Variants in R3HDM1 observed in about 807,000 individuals in gnomAD.
The protein encoded by R3HDM1 is R3H domain-containing protein 1.
R3HDM1 carries 46 observed loss-of-function variants against 141.1 expected under a neutral mutation model. The ratio of observed to expected loss-of-function variants is 0.33; its 90% CI spans 0.26 to 0.42. The LOEUF (loss-of-function observed/expected upper bound fraction) is 0.42, where lower values mean the gene tolerates loss of function less well. Ranked by LOEUF, R3HDM1 falls within the 10% of genes least tolerant of loss-of-function variation. R3HDM1 has a pLI of 1.00. For synonymous variants in R3HDM1, 435 were observed against 472.9 expected, an observed-to-expected ratio of 0.92 and a Z score of 1.04; for missense variants, 1,184 against 1,368.3, an observed-to-expected ratio of 0.87 and a Z score of 2.12.
At chr2:135,667,815 CTA>C (rs2067763298) in intron 19 of R3HDM1, 1 of 911,948 alleles carries the variant, frequency 1.1e-6, no homozygotes, top group South Asian at 5.1e-5. Context: ...ACTTTTGACA[CTA>C]TGAGAACTCT....
At chr2:135,708,847 T>C (rs892490976) in intron 21 of R3HDM1, among the ~76,000 whole-genome samples, 3 of 150,428 alleles carry the variant, frequency 2.0e-5, no homozygotes, top group African/African-American at 7.3e-5. Context: ...TAATCTCAGC[T>C]ACTTGGGAGG....
chr2:135,574,353 C>G (rs1256311146), intron 1 of R3HDM1, among the ~76,000 whole-genome samples: 1 of 152,166 alleles, frequency 6.6e-6, no homozygotes, highest in Non-Finnish European at 1.5e-5. Context: ...AATAATTCTT[C>G]TAAACTATCC....
At chr2:135,570,869 T>C (rs1703948557) in intron 1 of R3HDM1, among the ~76,000 whole-genome samples, 1 of 152,258 alleles carries the variant, frequency 6.6e-6, no homozygotes, top group Non-Finnish European at 1.5e-5. Flanking sequence ...TAAAAAATCA[T>C]CTAGCCTGAA....
chr2:135,667,343 G>A, intron 19 of R3HDM1: 1 of 606,388 alleles, frequency 1.6e-6, no homozygotes, highest in Non-Finnish European at 2.1e-6. Flanking sequence ...TGAAAGAAAT[G>A]GGATAATATT....
chr2:135,646,157 A>G (rs1286989694), intron 16 of R3HDM1, among the ~76,000 whole-genome samples: 1 of 138,976 alleles, frequency 7.2e-6, no homozygotes, highest in Non-Finnish European at 1.5e-5. Context: ...TTTTTTTGAG[A>G]TGGAGTCTTG....
At chr2:135,630,326 T>C (rs992276081) in intron 7 of R3HDM1, among the ~76,000 whole-genome samples, 14 of 140,922 alleles carry the variant, frequency 9.9e-5, no homozygotes, top group Non-Finnish European at 1.6e-4. Flanking sequence ...AAAACGAGAT[T>C]CTCATACTTC....
chr2:135,706,984 G>A (rs1415708065), intron 21 of R3HDM1, among the ~76,000 whole-genome samples: 3 of 152,036 alleles, frequency 2.0e-5, no homozygotes, highest in African/African-American at 7.2e-5. Context: ...CCTCCCGGAC[G>A]GGGCGGCTGG....
In R3HDM1 at chr2:135,599,065, A is replaced by G. The variant is rs113069899; in HGVS notation, c.-249-3435A>G. On this transcript the variant is annotated intron_variant, in intron 1 of 26. Coordinates refer to ENST00000683871, the MANE Select transcript of R3HDM1 (RefSeq NM_001378107.1). ...CCCAAAAATTATAAAAAGATTTCCT[A>G]TATATCCTTGTGCATTCATAGTTTT... is the stretch of plus-strand genomic sequence containing the variant. Among the ~76,000 whole-genome samples, 123 of 152,306 alleles carry G rather than the reference A, an allele frequency of 8.1e-4. 1 individual carries two copies. The highest frequency in any genetic ancestry group is 2.8e-3 in the African/African-American group (118 of 41,588).
At chr2:135,586,696 G>A in intron 1 of R3HDM1, 3 of 985,316 alleles carry the variant, frequency 3.0e-6, no homozygotes, top group Non-Finnish European at 3.6e-6. Context: ...TTGGTGGAGT[G>A]AAAAGTAGAG....
intron 1 of R3HDM1, chr2:135,581,324 C>G (rs1312447683): frequency 1.0e-6 from 1 of 985,280 alleles, no homozygotes; most frequent in African/African-American, 1.7e-5. Flanking sequence ...CTTCCTTATA[C>G]TCATAATTCC....
chr2:135,674,937 TG>T (rs1016040756), intron 19 of R3HDM1, among the ~76,000 whole-genome samples: 2 of 150,880 alleles, frequency 1.3e-5, no homozygotes, highest in African/African-American at 2.5e-5. Context: ...TAATAGTTGT[TG>T]TTTTTTTTTT....
At chr2:135,656,437 C>G (rs1178701030) in intron 18 of R3HDM1, 1 of 151,656 alleles carries the variant, frequency 6.6e-6, no homozygotes, top group Non-Finnish European at 1.5e-5. Flanking sequence ...GTATTTTATT[C>G]TACTTTCCTG....
chr2:135,583,404 G>A (rs72988439), intron 1 of R3HDM1, among the ~76,000 whole-genome samples: 6,750 of 152,140 alleles, frequency 0.044, 503 homozygotes, highest in African/African-American at 0.16. Context: ...TGAAAGGTTA[G>A]CCTGCATGAT....
intron 20 of R3HDM1, among the ~76,000 whole-genome samples, chr2:135,677,373 G>A (rs761399775): frequency 2.0e-5 from 3 of 151,980 alleles, no homozygotes; most frequent in African/African-American, 4.8e-5. Flanking sequence ...CCTGCCCTTC[G>A]TCTGTTTCCC....
chr2:135,580,203 A>T (rs1374620044), intron 1 of R3HDM1, among the ~76,000 whole-genome samples: 4 of 152,180 alleles, frequency 2.6e-5, no homozygotes, highest in African/African-American at 9.7e-5. Context: ...GTGAGCTGAG[A>T]TCGCACCACT....
intron 9 of R3HDM1, among the ~76,000 whole-genome samples, chr2:135,634,931 T>C (rs1316708261): frequency 6.6e-6 from 1 of 152,156 alleles, no homozygotes; most frequent in Non-Finnish European, 1.5e-5. Flanking sequence ...AGAATGTATT[T>C]TGGGAGGTGA....
At chr2:135,552,704 C>T (rs1000568708) in intron 1 of R3HDM1, among the ~76,000 whole-genome samples, 2 of 152,078 alleles carry the variant, frequency 1.3e-5, no homozygotes, top group Admixed American at 6.6e-5. Flanking sequence ...TTAAAAAGCC[C>T]AGGTCATCAT....
At chr2:135,677,654 A>AT (rs762782694) in intron 20 of R3HDM1, among the ~76,000 whole-genome samples, 2 of 151,974 alleles carry the variant, frequency 1.3e-5, no homozygotes, top group Non-Finnish European at 2.9e-5. Flanking sequence ...TTTTAACATT[A>AT]TTTTCTCATT....
Position 135,675,408 on chromosome 2 carries a change from A to C in R3HDM1, c.2229A>C (p.Leu743=). The change falls in exon 20 of 27, where the codon CTA becomes CTC. Residue 743 remains leucine (L), a synonymous_variant. Coordinates refer to ENST00000683871, the MANE Select transcript of R3HDM1 (RefSeq NM_001378107.1). ...TTCAGCAACCCCAGAGTCAGAGCCT[A>C]GTCAGTGGCCAACCCAACAGCATTG... ...VGVQQPQSQS[L]VSGQPNSIGN... is the part of the protein sequence containing the mutation. The C allele has an allele frequency of 6.2e-7, 1 of 1,614,042 alleles. No homozygotes were observed.
Sources: allele counts gnomAD v4.1 joint callset (sites outside exome capture counted in the v4.1 genomes callset), GRCh38; gene constraint gnomAD v4.1.1; transcripts MANE v1.5; gene names NCBI Gene and HGNC (gene_info 2026-07-23, HGNC 2026-07-21).